Variants in RGSL1 observed in about 807,000 individuals in gnomAD.
RGSL1 encodes the protein regulator of G protein signaling like 1, also known as regulator of G protein signaling protein-like.
In RGSL1, 97 loss-of-function variants were observed where a neutral mutation model predicts 124.7. That is an observed-to-expected ratio of 0.78 (90% CI 0.66 to 0.92). The LOEUF (loss-of-function observed/expected upper bound fraction) is 0.92. Among genes scored for constraint, RGSL1 ranks in the 40% least tolerant of loss-of-function variants. The pLI, the probability that RGSL1 is intolerant of heterozygous loss-of-function variation, is 0.00. For missense variants in RGSL1, 1,233 were observed against 1,288.4 expected (o/e 0.96, Z 0.66); for synonymous variants, 424 against 438.1 (o/e 0.97, Z 0.40).
At chr1:182,468,721 C>A (rs1018598365) in intron 4 of RGSL1, among the ~76,000 whole-genome samples, 1 of 151,548 alleles carries the variant, frequency 6.6e-6, no homozygotes, top group Non-Finnish European at 1.5e-5. Context: ...ATGTAACAAA[C>A]CTGCACATTG....
At chr1:182,492,418 A>T (rs1296561162) in intron 8 of RGSL1, among the ~76,000 whole-genome samples, 2 of 152,152 alleles carry the variant, frequency 1.3e-5, no homozygotes, top group African/African-American at 2.4e-5. Flanking sequence ...TATATGAATT[A>T]AAAAATAGTA....
At chr1:182,511,607 G>T (rs1657467752) in intron 9 of RGSL1, among the ~76,000 whole-genome samples, 2 of 152,168 alleles carry the variant, frequency 1.3e-5, no homozygotes, top group Admixed American at 6.5e-5. Context: ...TGTCCCATTG[G>T]TCTATGTATC....
chr1:182,559,902 T>C (rs1661077417), intron 21 of RGSL1, among the ~76,000 whole-genome samples: 1 of 152,216 alleles, frequency 6.6e-6, no homozygotes, highest in African/African-American at 2.4e-5. Context: ...CATGTATGTG[T>C]CTCACCTACT....
chr1:182,545,148 T>C (rs531999471), intron 15 of RGSL1, among the ~76,000 whole-genome samples: 1 of 152,280 alleles, frequency 6.6e-6, no homozygotes, highest in South Asian at 2.1e-4. Context: ...ATTTTTAGTG[T>C]AACTATTATA....
intron 10 of RGSL1, among the ~76,000 whole-genome samples, chr1:182,522,372 C>G (rs549595469): frequency 9.2e-5 from 14 of 152,212 alleles, no homozygotes; most frequent in African/African-American, 3.4e-4. Context: ...GCAGATCTAC[C>G]TCCTTCCATG....
At chr1:182,545,272 G>T (rs1558422942) in intron 15 of RGSL1, among the ~76,000 whole-genome samples, 2 of 152,072 alleles carry the variant, frequency 1.3e-5, no homozygotes, top group Non-Finnish European at 2.9e-5. Context: ...TAGAAACAAA[G>T]AAAAAACTAA....
At chr1:182,542,523 G>A (rs919076902) in intron 15 of RGSL1, among the ~76,000 whole-genome samples, 2 of 151,990 alleles carry the variant, frequency 1.3e-5, no homozygotes, top group African/African-American at 4.8e-5. Context: ...GTTCTTTTTG[G>A]TCAGGATTGC....
At chr1:182,505,251 T>C (rs1656727144) in intron 9 of RGSL1, among the ~76,000 whole-genome samples, 2 of 152,202 alleles carry the variant, frequency 1.3e-5, no homozygotes, top group Non-Finnish European at 2.9e-5. Flanking sequence ...GGGAGCCAGA[T>C]AACTTTAGGT....
chr1:182,454,112 C>G, intron 2 of RGSL1, 72 bp downstream of exon 2: 1 of 891,244 alleles, frequency 1.1e-6, no homozygotes, highest in East Asian at 2.6e-5. Context: ...AGCTGAGTGA[C>G]TTTTTTTGTT....
chr1:182,453,830 T>C, intron 1 of RGSL1, 128 bp from the exon 2 acceptor site: 1 of 608,258 alleles, frequency 1.6e-6, no homozygotes, highest in Non-Finnish European at 2.9e-6. Context: ...TTGAATTGCA[T>C]GACCCTAGAG....
At chr1:182,536,172 A>G (rs1344429790) in intron 14 of RGSL1, among the ~76,000 whole-genome samples, 1 of 152,160 alleles carries the variant, frequency 6.6e-6, no homozygotes, top group Non-Finnish European at 1.5e-5. Flanking sequence ...CCATTATACC[A>G]TAGCACAATT....
Position 182,530,830 on chromosome 1 carries a change from G to C in RGSL1, c.2284G>C (p.Glu762Gln). The C allele has an allele frequency of 6.5e-7, 1 of 1,550,184 alleles. No individual in the cohort carries two copies. Among genetic ancestry groups the C allele is most frequent in the Non-Finnish European group, 8.7e-7 (1 of 1,146,166 alleles). The change falls in exon 13 of 22, where the codon GAG (glutamate) becomes CAG (glutamine). Residue 762 changes from glutamate to glutamine, a missense_variant. Physicochemically the swap from Glu to Gln is conservative, Grantham distance 29 (BLOSUM62 2). Transcript: ENST00000294854. ...AGACCTGTTCCCACCTCACCATCAG[G>C]AGGTGGAAGTGCAAAGTGAAGTACA... ...YQDLFPPHHQEVEVQSEVQIS... is the reference protein window; with the variant it reads ...YQDLFPPHHQQVEVQSEVQIS...
intron 16 of RGSL1, 31 bp from the exon 17 acceptor site, chr1:182,548,669 T>C (rs2102323047): frequency 6.5e-7 from 1 of 1,550,296 alleles, no homozygotes; most frequent in Non-Finnish European, 8.7e-7. Context: ...GTGGAGCCTC[T>C]GCCAGTGACA....
At chr1:182,490,915 C>CTTTTTTT (rs10676767) in intron 8 of RGSL1, among the ~76,000 whole-genome samples, 4 of 129,034 alleles carry the variant, frequency 3.1e-5, no homozygotes, top group Non-Finnish European at 4.8e-5. Context: ...AGAACATTAT[C>CTTTTTTT]TTTTTTTTTT....
intron 9 of RGSL1, among the ~76,000 whole-genome samples, chr1:182,499,078 C>A (rs1352530005): frequency 6.6e-6 from 1 of 152,204 alleles, no homozygotes; most frequent in Non-Finnish European, 1.5e-5. Context: ...CAGGCGCGAG[C>A]CCCGGCACCT....
intron 6 of RGSL1, among the ~76,000 whole-genome samples, chr1:182,482,807 G>A (rs551586566): frequency 6.6e-6 from 1 of 152,314 alleles, no homozygotes; most frequent in Admixed American, 6.5e-5. Context: ...ATCTTGAAGA[G>A]ATATCTGCAC....
At chr1:182,550,915 C>A in intron 17 of RGSL1, 185 bp from the exon 18 acceptor site, 1 of 591,778 alleles carries the variant, frequency 1.7e-6, no homozygotes, top group Non-Finnish European at 3.0e-6. Context: ...CAGGTCTGGA[C>A]AAAGAGGAGG....
intron 14 of RGSL1, among the ~76,000 whole-genome samples, chr1:182,539,577 G>A (rs1424471991): frequency 9.2e-6 from 1 of 109,186 alleles, no homozygotes; most frequent in African/African-American, 3.1e-5. Flanking sequence ...ACATTTTTCT[G>A]AAACCAGCCA....
At chr1:182,489,394 C>G (rs1655356642) in intron 8 of RGSL1, among the ~76,000 whole-genome samples, 192 bp downstream of exon 8, 1 of 152,280 alleles carries the variant, frequency 6.6e-6, no homozygotes, top group Non-Finnish European at 1.5e-5. Flanking sequence ...TCCCCAGGGT[C>G]AGAGTAAGTT....
Sources: gnomAD v4.1 joint callset for allele counts (sites outside exome capture counted in the v4.1 genomes callset) on GRCh38, gnomAD v4.1.1 for gene constraint, MANE v1.5 for transcripts, NCBI Gene and HGNC (gene_info 2026-07-23, HGNC 2026-07-21) for gene names.